The following FBXO42 variants were observed in gnomAD, a reference collection of about 807,000 sequenced individuals.
The protein encoded by FBXO42 is F-box only protein 42.
A neutral mutation model predicts 71.7 loss-of-function variants in FBXO42; 12 were observed. The observed-to-expected ratio is 0.17, with a 90% CI of 0.11 to 0.27. FBXO42 has a LOEUF of 0.27. Among genes scored for constraint, FBXO42 ranks in the 10% least tolerant of loss-of-function variants. The pLI, the probability that FBXO42 is intolerant of heterozygous loss-of-function variation, is 1.00. For missense variants in FBXO42, 707 were observed against 911.9 expected, an observed-to-expected ratio of 0.78 and a Z score of 2.89; for synonymous variants, 325 against 327.5, an observed-to-expected ratio of 0.99 and a Z score of 0.08.
At chr1:16,323,357 G>A (rs1333290640) in intron 1 of FBXO42, among the ~76,000 whole-genome samples, 2 of 152,056 alleles carry the variant, frequency 1.3e-5, no homozygotes, top group East Asian at 1.9e-4. Context: ...GGCAGAGGTT[G>A]CAGTAAGCCA....
intron 4 of FBXO42, among the ~76,000 whole-genome samples, chr1:16,288,664 T>C (rs2082046730): frequency 6.6e-6 from 1 of 151,680 alleles, no homozygotes; most frequent in Non-Finnish European, 1.5e-5. Context: ...ATCTAATTCA[T>C]TAAGAAGTCT....
At chr1:16,310,012 A>G (rs967345080) in intron 2 of FBXO42, among the ~76,000 whole-genome samples, 2 of 151,816 alleles carry the variant, frequency 1.3e-5, no homozygotes, top group Non-Finnish European at 2.9e-5. Flanking sequence ...TGGCTAACAC[A>G]GTGAAACCCC....
chr1:16,321,664 C>G (rs553738288), intron 1 of FBXO42, among the ~76,000 whole-genome samples: 2 of 150,802 alleles, frequency 1.3e-5, no homozygotes, highest in South Asian at 2.1e-4. Flanking sequence ...CATGTCTACT[C>G]AGAACACCTT....
chr1:16,251,836 A>G lies in FBXO42; in HGVS notation c.1039-51T>C. 1 of 1,552,166 alleles carries G rather than the reference A, an allele frequency of 6.4e-7. No individual in the cohort carries two copies. Among genetic ancestry groups the G allele is most frequent in the Non-Finnish European group, 8.7e-7 (1 of 1,149,370 alleles). ...CACTCTTCTATGATTCTGATTGTTC[A>G]TTCAACTGTCAAACATTTTATCATG... On this transcript the variant is annotated intron_variant, in intron 9 of 9. Transcript: ENST00000375592. The surrounding 1 kb of genome is among the most constrained non-coding windows in gnomAD (Gnocchi z 4.5).
At chr1:16,326,283 C>T (rs1161585860) in intron 1 of FBXO42, among the ~76,000 whole-genome samples, 16 of 149,588 alleles carry the variant, frequency 1.1e-4, no homozygotes, top group African/African-American at 3.9e-4. Context: ...CTCGAACTCC[C>T]GACCTCAGGT....
chr1:16,262,640 A>C (rs1452052755), intron 4 of FBXO42, among the ~76,000 whole-genome samples: 1 of 152,174 alleles, frequency 6.6e-6, no homozygotes. Flanking sequence ...CAGTGAGCCC[A>C]GACCGTGCAC....
intron 1 of FBXO42, among the ~76,000 whole-genome samples, chr1:16,333,429 T>C (rs1027026462): frequency 3.5e-5 from 4 of 115,674 alleles, no homozygotes; most frequent in Non-Finnish European, 5.3e-5. Flanking sequence ...CCTGGGCAAA[T>C]AGTGAGACCC....
chr1:16,330,003 G>A (rs554189216), intron 1 of FBXO42, among the ~76,000 whole-genome samples: 8 of 152,252 alleles, frequency 5.3e-5, no homozygotes, highest in Admixed American at 3.3e-4. Context: ...CAAATAATTC[G>A]TGTATGTACG....
chr1:16,301,877 C>T (rs2082198880), intron 3 of FBXO42, among the ~76,000 whole-genome samples: 1 of 151,998 alleles, frequency 6.6e-6, no homozygotes, highest in Admixed American at 6.6e-5. Context: ...AAGTCATTCT[C>T]CTGCCTCGAC....
intron 4 of FBXO42, among the ~76,000 whole-genome samples, chr1:16,277,408 C>T (rs181403616): frequency 6.6e-6 from 1 of 151,988 alleles, no homozygotes; most frequent in Non-Finnish European, 1.5e-5. Flanking sequence ...CCTGCCCCCA[C>T]TACTAATATA....
intron 2 of FBXO42, 48 bp downstream of exon 2, chr1:16,315,121 C>A: frequency 1.9e-6 from 3 of 1,542,372 alleles, no homozygotes; most frequent in South Asian, 2.5e-5. Context: ...AAAAATAAAT[C>A]AGTGAAATTT....
intron 1 of FBXO42, among the ~76,000 whole-genome samples, chr1:16,317,678 C>CT (rs2082380387): frequency 1.3e-5 from 2 of 151,908 alleles, no homozygotes; most frequent in Admixed American, 6.6e-5. Context: ...AATCCCAACA[C>CT]TTTAGTAAGC....
At chr1:16,337,225 G>A (rs2082560043) in intron 1 of FBXO42, among the ~76,000 whole-genome samples, 1 of 152,050 alleles carries the variant, frequency 6.6e-6, no homozygotes, top group Non-Finnish European at 1.5e-5. Context: ...AGCCTCGGGT[G>A]GAACTTGACA....
At chr1:16,333,304 A>G (rs2082519608) in intron 1 of FBXO42, among the ~76,000 whole-genome samples, 1 of 152,096 alleles carries the variant, frequency 6.6e-6, no homozygotes, top group Non-Finnish European at 1.5e-5. Context: ...CTTATTAACC[A>G]CTTGCCTAAT....
intron 1 of FBXO42, among the ~76,000 whole-genome samples, chr1:16,333,455 A>C (rs1237278558): frequency 3.8e-5 from 5 of 131,582 alleles, no homozygotes; most frequent in Admixed American, 7.6e-5. Context: ...CCCCATTTCC[A>C]AGAAGAAAAA....
intron 1 of FBXO42, among the ~76,000 whole-genome samples, chr1:16,335,986 C>T (rs2082549055): frequency 6.6e-6 from 1 of 151,440 alleles, no homozygotes; most frequent in African/African-American, 2.4e-5. Context: ...GGCTGGAGTA[C>T]AATGGCGCAA....
intron 4 of FBXO42, 145 bp downstream of exon 4, chr1:16,294,638 A>G (rs2082110700): frequency 1.3e-6 from 1 of 766,488 alleles, no homozygotes; most frequent in Non-Finnish European, 2.1e-6. Flanking sequence ...GCATATTACT[A>G]TTATCATTTA....
intron 1 of FBXO42, among the ~76,000 whole-genome samples, chr1:16,323,595 G>A (rs1336761072): frequency 4.0e-5 from 6 of 151,352 alleles, no homozygotes; most frequent in South Asian, 4.2e-4. Context: ...TCAGGAGTTC[G>A]AGACCAGCCT....
At chr1:16,342,163 A>G (rs2082610880) in intron 1 of FBXO42, among the ~76,000 whole-genome samples, 1 of 151,724 alleles carries the variant, frequency 6.6e-6, no homozygotes, top group African/African-American at 2.4e-5. Flanking sequence ...TTGGGAGGCC[A>G]AGACGGGCGG....
Sources: allele counts gnomAD v4.1 joint callset (sites outside exome capture counted in the v4.1 genomes callset), GRCh38; gene constraint gnomAD v4.1.1; non-coding constraint Gnocchi (gnomAD v3.1); transcripts MANE v1.5; gene names NCBI Gene and HGNC (gene_info 2026-07-23, HGNC 2026-07-21).